The following NSMCE2 variants were observed in gnomAD, a reference collection of about 807,000 sequenced individuals.
The protein encoded by NSMCE2 is NSE2 SUMO ligase component of SMC5/6 complex.
Under a neutral mutation model 23.8 loss-of-function variants are expected in NSMCE2, and 24 were observed. The ratio of observed to expected loss-of-function variants is 1.01; its 90% CI spans 0.73 to 1.42. The LOEUF (loss-of-function observed/expected upper bound fraction) is 1.42. Among genes scored for constraint, NSMCE2 ranks in the 40% most tolerant of loss-of-function variants. NSMCE2 has a pLI of 0.00. For synonymous variants in NSMCE2, 92 were observed against 94.1 expected (o/e 0.98, Z 0.13); for missense variants, 284 against 296.5 (o/e 0.96, Z 0.31).
intron 5 of NSMCE2, among the ~76,000 whole-genome samples, chr8:125,316,779 C>CTCTT (rs1191664276): frequency 0.061 from 8,587 of 140,272 alleles, 383 homozygotes; most frequent in Middle Eastern, 0.099. Flanking sequence ...TTCTCTCTCT[C>CTCTT]TCTTTCTTTC....
intron 5 of NSMCE2, among the ~76,000 whole-genome samples, chr8:125,301,722 G>T (rs1828572567): frequency 6.7e-6 from 1 of 149,836 alleles, no homozygotes; most frequent in Non-Finnish European, 1.5e-5. Flanking sequence ...GAGTGCAATG[G>T]CACAGTCTCG....
chr8:125,257,678 C>T (rs140747894), intron 5 of NSMCE2, among the ~76,000 whole-genome samples: 6,740 of 152,004 alleles, frequency 0.044, 299 homozygotes, highest in African/African-American at 0.11. Flanking sequence ...GGACTACAGG[C>T]GCTCACCACC....
chr8:125,181,857 A>G (rs542897006), intron 4 of NSMCE2, among the ~76,000 whole-genome samples: 1 of 152,242 alleles, frequency 6.6e-6, no homozygotes, highest in Non-Finnish European at 1.5e-5. Flanking sequence ...TAGTAGGATC[A>G]TTGAAGGGCC....
intron 5 of NSMCE2, among the ~76,000 whole-genome samples, chr8:125,292,316 A>C (rs1054580312): frequency 1.3e-5 from 2 of 152,086 alleles, no homozygotes; most frequent in African/African-American, 4.8e-5. Context: ...GCACTTTGGG[A>C]AGCCAAGGTG....
chr8:125,242,291 C>A (rs12680754), intron 5 of NSMCE2, among the ~76,000 whole-genome samples: 6 of 151,680 alleles, frequency 4.0e-5, no homozygotes, highest in African/African-American at 1.2e-4. Flanking sequence ...TATTTGATCC[C>A]GTAGAATCAA....
chr8:125,167,729 A>G (rs1305130944), intron 4 of NSMCE2, among the ~76,000 whole-genome samples: 4 of 152,174 alleles, frequency 2.6e-5, no homozygotes, highest in Non-Finnish European at 5.9e-5. Context: ...TTGGGGGGAA[A>G]AATCAGTGGA....
chr8:125,283,745 A>G (rs1335216070), intron 5 of NSMCE2, among the ~76,000 whole-genome samples: 1 of 152,246 alleles, frequency 6.6e-6, no homozygotes, highest in Middle Eastern at 3.2e-3. Flanking sequence ...CAGTGCCCTC[A>G]TGACACAGCA....
At chr8:125,298,977 T>C (rs1828444385) in intron 5 of NSMCE2, among the ~76,000 whole-genome samples, 1 of 152,218 alleles carries the variant, frequency 6.6e-6, no homozygotes, top group Non-Finnish European at 1.5e-5. Flanking sequence ...CCCCCATTTA[T>C]TGCTGAAACA....
chr8:125,187,632 A>T (rs1014046351), intron 5 of NSMCE2, among the ~76,000 whole-genome samples: 5 of 152,274 alleles, frequency 3.3e-5, no homozygotes, highest in Admixed American at 2.6e-4. Flanking sequence ...TTTACCTGTT[A>T]CGTGACTATC....
chr8:125,364,749 G>T (rs1045737425), intron 7 of NSMCE2, among the ~76,000 whole-genome samples: 2 of 152,184 alleles, frequency 1.3e-5, no homozygotes, highest in African/African-American at 4.8e-5. Context: ...ACATTATTGA[G>T]CACAGAGGAT....
intron 3 of NSMCE2, among the ~76,000 whole-genome samples, chr8:125,120,830 G>A (rs1042123619): frequency 6.6e-6 from 1 of 152,156 alleles, no homozygotes; most frequent in African/African-American, 2.4e-5. Flanking sequence ...TGACCAAGTC[G>A]CAAGAGGCGC....
At chr8:125,312,736 G>A (rs571406865) in intron 5 of NSMCE2, among the ~76,000 whole-genome samples, 1 of 152,350 alleles carries the variant, frequency 6.6e-6, no homozygotes, top group South Asian at 2.1e-4. Flanking sequence ...CAAAAGGCAA[G>A]AGATCTGTTT....
At chr8:125,254,224 A>T (rs1826317121) in intron 5 of NSMCE2, among the ~76,000 whole-genome samples, 1 of 152,182 alleles carries the variant, frequency 6.6e-6, no homozygotes, top group Non-Finnish European at 1.5e-5. Flanking sequence ...GTGTTTGAAG[A>T]TGTCTAAAAA....
intron 5 of NSMCE2, among the ~76,000 whole-genome samples, chr8:125,304,467 C>G (rs535648803): frequency 6.6e-6 from 1 of 152,054 alleles, no homozygotes; most frequent in Non-Finnish European, 1.5e-5. Flanking sequence ...GGCAAGGAAA[C>G]GAGACAGCAA....
intron 5 of NSMCE2, among the ~76,000 whole-genome samples, chr8:125,329,693 G>A (rs114324621): frequency 0.01 from 1,524 of 152,164 alleles, 37 homozygotes; most frequent in African/African-American, 0.034. Flanking sequence ...ATGGCCTCTG[G>A]GATCAGACTT....
intron 3 of NSMCE2, among the ~76,000 whole-genome samples, chr8:125,134,055 C>T (rs1819926181): frequency 1.3e-5 from 2 of 152,246 alleles, no homozygotes; most frequent in East Asian, 3.9e-4. Flanking sequence ...CCAGCCCAAC[C>T]ACACTTTGAG....
intron 1 of NSMCE2, among the ~76,000 whole-genome samples, chr8:125,097,908 T>C (rs1382156623): frequency 6.6e-6 from 1 of 152,204 alleles, no homozygotes; most frequent in Non-Finnish European, 1.5e-5. Context: ...AATTTTATTA[T>C]ATAGGCAGGA....
chr8:125,118,084 T>C (rs1265965251), intron 3 of NSMCE2, among the ~76,000 whole-genome samples: 2 of 151,900 alleles, frequency 1.3e-5, no homozygotes, highest in Non-Finnish European at 2.9e-5. Context: ...TGGAGAAGGG[T>C]CACAACTGTA....
At chr8:125,234,068 C>G (rs929657123) in intron 5 of NSMCE2, among the ~76,000 whole-genome samples, 5 of 151,538 alleles carry the variant, frequency 3.3e-5, no homozygotes, top group Non-Finnish European at 7.4e-5. Context: ...TGTCAGGCGC[C>G]TGTAGTCCCA....
Sources: gnomAD v4.1 joint callset for allele counts (sites outside exome capture counted in the v4.1 genomes callset) on GRCh38, gnomAD v4.1.1 for gene constraint, MANE v1.5 for transcripts, NCBI Gene and HGNC (gene_info 2026-07-23, HGNC 2026-07-21) for gene names.